Variants in NAALADL2 observed in about 807,000 individuals in gnomAD.
The protein encoded by NAALADL2 is inactive N-acetylated-alpha-linked acidic dipeptidase-like protein 2.
A neutral mutation model predicts 87.2 loss-of-function variants in NAALADL2; 76 were observed. The observed-to-expected ratio is 0.87, with a 90% CI of 0.72 to 1.05. The LOEUF (loss-of-function observed/expected upper bound fraction) is 1.05. Ranked by LOEUF, NAALADL2 falls within the 50% of genes least tolerant of loss-of-function variation. The pLI, the probability that NAALADL2 is intolerant of heterozygous loss-of-function variation, is 0.00. For missense variants in NAALADL2, 1,089 were observed against 945.8 expected, an observed-to-expected ratio of 1.15 and a Z score of -1.99; for synonymous variants, 354 against 331.0, an observed-to-expected ratio of 1.07 and a Z score of -0.75.
At chr3:174,619,627 T>G (rs2108661900) in intron 2 of NAALADL2, among the ~76,000 whole-genome samples, 1 of 152,092 alleles carries the variant, frequency 6.6e-6, no homozygotes, top group Middle Eastern at 3.4e-3. Flanking sequence ...AATGGCAAAT[T>G]TCAGTAACAC....
intron 2 of NAALADL2, among the ~76,000 whole-genome samples, chr3:175,180,414 A>G (rs1370810808): frequency 6.6e-6 from 1 of 151,970 alleles, no homozygotes; most frequent in Non-Finnish European, 1.5e-5. Flanking sequence ...ATTATCTGTT[A>G]CTATTACAGA....
chr3:174,902,093 T>C (rs80127905), intron 1 of NAALADL2, among the ~76,000 whole-genome samples: 2 of 152,248 alleles, frequency 1.3e-5, no homozygotes, highest in South Asian at 2.1e-4. Context: ...CAGGGCATGA[T>C]CTACCGCCCA....
At chr3:175,151,644 C>T (rs1015683629) in intron 2 of NAALADL2, among the ~76,000 whole-genome samples, 1 of 152,048 alleles carries the variant, frequency 6.6e-6, no homozygotes, top group Non-Finnish European at 1.5e-5. Context: ...CAAACAACAA[C>T]AACCAAAAAA....
chr3:174,907,308 A>T (rs530678420), intron 1 of NAALADL2, among the ~76,000 whole-genome samples: 2 of 152,216 alleles, frequency 1.3e-5, no homozygotes, highest in Admixed American at 6.5e-5. Context: ...ATTACCCAAG[A>T]TGGAGCTGTT....
chr3:175,389,709 G>T (rs778802205), intron 5 of NAALADL2, among the ~76,000 whole-genome samples: 3 of 152,162 alleles, frequency 2.0e-5, no homozygotes, highest in African/African-American at 4.8e-5. Flanking sequence ...ACTGAGACAA[G>T]TAAAGTCAAC....
intron 2 of NAALADL2, among the ~76,000 whole-genome samples, chr3:174,582,788 TG>T (rs1246395524): frequency 6.6e-5 from 10 of 152,254 alleles, no homozygotes; most frequent in African/African-American, 2.4e-4. Context: ...TTCACCATGT[TG>T]GCCAGACTGG....
intron 11 of NAALADL2, among the ~76,000 whole-genome samples, chr3:175,696,540 G>A (rs909435807): frequency 2.0e-5 from 3 of 151,694 alleles, no homozygotes; most frequent in Non-Finnish European, 2.9e-5. Flanking sequence ...TTTTTTTCAT[G>A]GCCCTTTATT....
Position 175,471,657 on chromosome 3 carries a change from C to CAAAAAAAT in NAALADL2, c.1553_1554insAAAAAATA (p.Val521ArgfsTer14). The CAAAAAAAT allele has an allele frequency of 6.6e-7, 1 of 1,517,296 alleles. No homozygotes were observed. Among genetic ancestry groups the CAAAAAAAT allele is most frequent in the Non-Finnish European group, 9.1e-7 (1 of 1,097,560 alleles). The allele number at this position is 1,517,296 out of a possible 1,614,324, so 94.0% of individuals were successfully genotyped here. On this transcript the variant is annotated frameshift_variant, in exon 9 of 14. Coordinates refer to ENST00000454872, the MANE Select transcript of NAALADL2 (RefSeq NM_207015.3). LOFTEE classifies it high-confidence loss of function. Reference sequence around the variant, plus strand: ...ATTTCAGGATTTCAAGAAGGTTCTTCAGAAAAATGTTGTGGCTTATATTAG... The same window carrying CAAAAAAAT: ...ATTTCAGGATTTCAAGAAGGTTCTTCAAAAAAATAGAAAAATGTTGTGGCTTATATTAG...
At chr3:174,889,896 T>G (rs905670618) in intron 1 of NAALADL2, among the ~76,000 whole-genome samples, 1 of 152,204 alleles carries the variant, frequency 6.6e-6, no homozygotes, top group African/African-American at 2.4e-5. Flanking sequence ...CTTTTCAGTT[T>G]ATGGTAAATA....
At chr3:175,148,091 G>GATAATAATAATAATAATA (rs777779002) in intron 2 of NAALADL2, among the ~76,000 whole-genome samples, 1 of 110,744 alleles carries the variant, frequency 9.0e-6, no homozygotes, top group African/African-American at 3.4e-5. Flanking sequence ...TAATGATAAT[G>GATAATAATAATAATAATA]ATAATAATAA....
chr3:175,507,876 C>A (rs1023012127), intron 9 of NAALADL2, among the ~76,000 whole-genome samples: 1 of 152,168 alleles, frequency 6.6e-6, no homozygotes, highest in Non-Finnish European at 1.5e-5. Flanking sequence ...TCTTCATACT[C>A]TGTTAGGTTG....
chr3:174,671,748 G>T (rs1726558249), intron 2 of NAALADL2, among the ~76,000 whole-genome samples: 1 of 152,014 alleles, frequency 6.6e-6, no homozygotes, highest in Non-Finnish European at 1.5e-5. Context: ...TGGAGTTATA[G>T]GAACCTGGGT....
intron 9 of NAALADL2, among the ~76,000 whole-genome samples, chr3:175,570,908 T>C (rs1039837828): frequency 8.6e-5 from 13 of 151,044 alleles, no homozygotes; most frequent in Non-Finnish European, 1.6e-4. Context: ...AGTGACTTAA[T>C]TTTATTATGG....
chr3:175,336,906 T>C (rs552560338), intron 5 of NAALADL2, among the ~76,000 whole-genome samples: 2 of 152,238 alleles, frequency 1.3e-5, no homozygotes, highest in African/African-American at 4.8e-5. Flanking sequence ...CAATTTTATC[T>C]TGGAAAAAAA....
intron 1 of NAALADL2, among the ~76,000 whole-genome samples, chr3:174,870,591 A>AT (rs1222500176): frequency 2.1e-5 from 3 of 139,774 alleles, no homozygotes; most frequent in African/African-American, 8.4e-5. Flanking sequence ...TAACAAAAAA[A>AT]TAAAAAAAAA....
intron 2 of NAALADL2, among the ~76,000 whole-genome samples, chr3:174,551,991 A>G (rs951550046): frequency 3.3e-5 from 5 of 152,190 alleles, no homozygotes; most frequent in Admixed American, 6.5e-5. Context: ...GTTTTTTTCT[A>G]TGTAGAATGA....
chr3:174,876,466 A>G (rs1396065807), intron 1 of NAALADL2, among the ~76,000 whole-genome samples: 3 of 152,120 alleles, frequency 2.0e-5, no homozygotes, highest in African/African-American at 7.2e-5. Flanking sequence ...TTCACAGTAA[A>G]TGTTTATAAA....
rs184200121 is a variant in NAALADL2 at position 174,895,734 on chromosome 3, C to T, written c.43+36284C>T. On this transcript the variant is annotated intron_variant, in intron 1 of 13. Coordinates refer to ENST00000454872, the MANE Select transcript of NAALADL2 (RefSeq NM_207015.3). ...AGACAAATACATCAAAACAAAAAAA[C>T]GAAAGCAAACAAACAAACAACTGCA... Among the ~76,000 whole-genome samples the T allele has an allele frequency of 3.2e-3, 490 of 151,848 alleles. 2 individuals carry two copies. Among genetic ancestry groups the T allele is most frequent in the African/African-American group, 0.011 (453 of 41,362 alleles).
intron 9 of NAALADL2, among the ~76,000 whole-genome samples, chr3:175,500,497 C>A (rs1432076840): frequency 6.6e-6 from 1 of 151,714 alleles, no homozygotes; most frequent in African/African-American, 2.4e-5. Context: ...TTCATTCATT[C>A]ATTCATCTAG....
Sources: gnomAD v4.1 joint callset for allele counts (sites outside exome capture counted in the v4.1 genomes callset) on GRCh38, gnomAD v4.1.1 for gene constraint, MANE v1.5 for transcripts, NCBI Gene and HGNC (gene_info 2026-07-23, HGNC 2026-07-21) for gene names.